Variants in RAPGEF5 observed in about 807,000 individuals in gnomAD.
RAPGEF5 encodes the protein Rap guanine nucleotide exchange factor 5.
Under a neutral mutation model 125.2 loss-of-function variants are expected in RAPGEF5, and 65 were observed. The observed-to-expected ratio is 0.52, with a 90% CI of 0.43 to 0.64. The LOEUF (loss-of-function observed/expected upper bound fraction) is 0.64. Among genes scored for constraint, RAPGEF5 ranks in the 30% least tolerant of loss-of-function variants. The probability of loss-of-function intolerance (pLI) is 0.00; values close to 1 mark genes in which losing one functional copy is unlikely to be tolerated. For synonymous variants in RAPGEF5, 391 were observed against 385.9 expected, an observed-to-expected ratio of 1.01 and a Z score of -0.16; for missense variants, 958 against 1,048.1, an observed-to-expected ratio of 0.91 and a Z score of 1.19.
intron 9 of RAPGEF5, among the ~76,000 whole-genome samples, chr7:22,218,109 C>G (rs917341274): frequency 3.3e-5 from 5 of 152,252 alleles, no homozygotes; most frequent in Admixed American, 3.3e-4. Flanking sequence ...AATGCTATCC[C>G]TACCCCCTCC....
chr7:22,233,342 G>C (rs192071952), intron 7 of RAPGEF5, among the ~76,000 whole-genome samples: 1 of 152,132 alleles, frequency 6.6e-6, no homozygotes, highest in East Asian at 1.9e-4. Context: ...TGCTTTATTT[G>C]AATTTTTGCT....
Position 22,136,952 on chromosome 7 carries a change from G to A in RAPGEF5, c.2309C>T (p.Ser770Phe). 2 of 1,587,258 alleles carry A rather than the reference G, an allele frequency of 1.3e-6. No individual in the cohort carries two copies. The highest frequency in any genetic ancestry group is 1.7e-6 in the Non-Finnish European group (2 of 1,162,484). Reference sequence around the variant, plus strand: ...ACTTACTGTTAAACTTTCAAGTTCAGAGAAAAGTTTCTTAAACTTCCCAGG... The same window carrying A: ...ACTTACTGTTAAACTTTCAAGTTCAAAGAAAAGTTTCTTAAACTTCCCAGG... The part of the protein sequence containing the change: ...KIPGKFKKLF[S>F]ELESLTDPSL... Residue 770 changes from serine (S) to phenylalanine (F), a missense_variant, in exon 22 of 26, where the codon TCT becomes TTT. Ser to Phe is a radical substitution (Grantham distance 155). Coordinates refer to ENST00000665637, the MANE Select transcript of RAPGEF5 (RefSeq NM_012294.5).
intron 1 of RAPGEF5, among the ~76,000 whole-genome samples, chr7:22,344,657 C>T (rs558489739): frequency 2.0e-4 from 30 of 152,308 alleles, no homozygotes; most frequent in African/African-American, 7.0e-4. Flanking sequence ...GCAGCCTCCA[C>T]GGTGCAGACC....
At chr7:22,193,025 C>G in intron 11 of RAPGEF5, 1 of 339,318 alleles carries the variant, frequency 2.9e-6, no homozygotes, top group Admixed American at 4.4e-5. Flanking sequence ...TGCTAACCCT[C>G]CTCCTCCTTG....
rs750942288 is a variant in RAPGEF5 at position 22,147,037 on chromosome 7, A to G, written c.1885-18T>C. On this transcript the variant is annotated intron_variant, in intron 18 of 25. Coordinates refer to ENST00000665637, the MANE Select transcript of RAPGEF5 (RefSeq NM_012294.5). ...AATGGGTTCTAAACCAACAGAAGCA[A>G]AAAGATCCTCAGTAATTCCCAAATG... 7 of 1,609,726 alleles carry G rather than the reference A, an allele frequency of 4.3e-6. No homozygotes were observed. The Admixed American group carries it at 1.2e-4, about 27-fold the overall frequency.
intron 7 of RAPGEF5, among the ~76,000 whole-genome samples, chr7:22,235,973 A>G (rs1786177300): frequency 6.6e-6 from 1 of 152,188 alleles, no homozygotes; most frequent in South Asian, 2.1e-4. Flanking sequence ...TAAAATTAGA[A>G]AAGTAGGGGT....
chr7:22,122,553 C>T lies in RAPGEF5; in HGVS notation c.2537-32G>A, dbSNP rs1782613020. ...TTTAGAGGGGGAAAAAAGACAATCT[C>T]AGGAGAGCAGTAATGCTGTATCTAC... On this transcript the variant is annotated intron_variant, in intron 25 of 25. Transcript: ENST00000665637. 5 of 1,490,556 alleles carry T rather than the reference C, an allele frequency of 3.4e-6. No individual in the cohort carries two copies. The East Asian group carries it at 1.1e-4, about 34-fold the overall frequency. 92.3% of individuals were successfully genotyped at this position (1,490,556 alleles called of 1,614,324 possible). A position where few individuals can be genotyped will look rare whatever the true frequency, so the allele number is the denominator to read the frequency against.
intron 23 of RAPGEF5, among the ~76,000 whole-genome samples, chr7:22,135,352 T>C (rs1783047448): frequency 6.6e-6 from 1 of 152,196 alleles, no homozygotes; most frequent in African/African-American, 2.4e-5. Context: ...TTACACTGAA[T>C]GTCAGCGGTA....
intron 7 of RAPGEF5, among the ~76,000 whole-genome samples, chr7:22,250,731 G>A (rs1401960462): frequency 6.6e-6 from 1 of 152,128 alleles, no homozygotes; most frequent in African/African-American, 2.4e-5. Flanking sequence ...GTTTAGGAAG[G>A]AAAATAAATG....
chr7:22,177,514 A>C (rs770791212), intron 11 of RAPGEF5, among the ~76,000 whole-genome samples: 2 of 152,248 alleles, frequency 1.3e-5, no homozygotes, highest in Non-Finnish European at 2.9e-5. Flanking sequence ...AGGGAGGAAA[A>C]TGATAGCGGC....
intron 1 of RAPGEF5, among the ~76,000 whole-genome samples, chr7:22,352,182 G>A (rs1784342643): frequency 6.6e-6 from 1 of 152,144 alleles, no homozygotes; most frequent in Non-Finnish European, 1.5e-5. Flanking sequence ...AAACATCACA[G>A]CAGCCAAAGC....
chr7:22,132,309 C>T (rs984569221), intron 23 of RAPGEF5, among the ~76,000 whole-genome samples: 1 of 152,050 alleles, frequency 6.6e-6, no homozygotes, highest in South Asian at 2.1e-4. Flanking sequence ...GCAACCCTTT[C>T]CTCAAGGCGT....
intron 20 of RAPGEF5, 125 bp from the exon 21 acceptor site, chr7:22,140,240 G>A (rs1407450780): frequency 2.1e-5 from 17 of 800,662 alleles, no homozygotes; most frequent in East Asian, 5.5e-5. Context: ...TACAGCCTAC[G>A]TACCCCTTAC....
intron 24 of RAPGEF5, among the ~76,000 whole-genome samples, chr7:22,128,573 A>ATTTCTCC (rs2128098786): frequency 6.6e-6 from 1 of 152,318 alleles, no homozygotes; most frequent in Non-Finnish European, 1.5e-5. Context: ...TTCCTTGAAA[A>ATTTCTCC]TAGTGTTTCT....
At chr7:22,244,202 G>A (rs1786412051) in intron 7 of RAPGEF5, among the ~76,000 whole-genome samples, 1 of 151,860 alleles carries the variant, frequency 6.6e-6, no homozygotes, top group African/African-American at 2.4e-5. Flanking sequence ...ACGTGTGTGT[G>A]TATATACATA....
chr7:22,193,746 G>A (rs776635034), intron 10 of RAPGEF5, 169 bp downstream of exon 10: 4 of 1,562,664 alleles, frequency 2.6e-6, no homozygotes, highest in South Asian at 1.2e-5. Flanking sequence ...GAGTCCATCT[G>A]GCTGCTAAGA....
intron 1 of RAPGEF5, among the ~76,000 whole-genome samples, chr7:22,339,630 G>C (rs1784089910): frequency 6.6e-6 from 1 of 152,198 alleles, no homozygotes; most frequent in African/African-American, 2.4e-5. Context: ...TGAGGGACAG[G>C]TGCTGCCTGC....
intron 9 of RAPGEF5, among the ~76,000 whole-genome samples, chr7:22,202,574 A>C (rs1157044615): frequency 6.6e-6 from 1 of 152,192 alleles, no homozygotes; most frequent in Non-Finnish European, 1.5e-5. Context: ...TGACTAGATA[A>C]ATCTAATTTG....
chr7:22,310,688 A>G (rs1783448886), intron 3 of RAPGEF5, among the ~76,000 whole-genome samples: 1 of 152,200 alleles, frequency 6.6e-6, no homozygotes, highest in South Asian at 2.1e-4. Flanking sequence ...TCAAACAAAG[A>G]TTGAACCCTA....
Sources: gnomAD v4.1 joint callset for allele counts (sites outside exome capture counted in the v4.1 genomes callset) on GRCh38, gnomAD v4.1.1 for gene constraint, MANE v1.5 for transcripts, NCBI Gene and HGNC (gene_info 2026-07-23, HGNC 2026-07-21) for gene names.